Variants in LRRK2 observed in about 807,000 individuals in gnomAD.
LRRK2 encodes leucine-rich repeat serine/threonine-protein kinase 2.
A neutral mutation model predicts 302.6 loss-of-function variants in LRRK2; 203 were observed. That is an observed-to-expected ratio of 0.67 (90% CI 0.60 to 0.75). The LOEUF (loss-of-function observed/expected upper bound fraction) is 0.75. LRRK2 is among the 30% of genes least tolerant of loss of function. The probability of loss-of-function intolerance (pLI) is 0.00; values close to 1 mark genes in which losing one functional copy is unlikely to be tolerated. For synonymous variants in LRRK2, 1,066 were observed against 1,031.9 expected (o/e 1.03, Z -0.63); for missense variants, 2,830 against 2,951.0 (o/e 0.96, Z 0.95).
chr12:40,243,444 T>C, intron 6 of LRRK2, 106 bp from the exon 7 acceptor site: 2 of 1,264,120 alleles, frequency 1.6e-6, no homozygotes, highest in Non-Finnish European at 2.3e-6. Context: ...GGAAATGCAG[T>C]CATTATGCTG....
intron 46 of LRRK2, among the ~76,000 whole-genome samples, chr12:40,357,358 T>C (rs1946571006): frequency 1.7e-5 from 1 of 60,154 alleles, no homozygotes; most frequent in Non-Finnish European, 5.4e-5. Flanking sequence ...CTTAGGTTGA[T>C]TCCACTTTTT....
At chr12:40,345,861 T>G (rs1167414428) in intron 41 of LRRK2, among the ~76,000 whole-genome samples, 2 of 152,154 alleles carry the variant, frequency 1.3e-5, no homozygotes. Context: ...AATACCATTA[T>G]CACAGCTAAG....
chr12:40,347,053 C>T, intron 42 of LRRK2, 130 bp downstream of exon 42: 1 of 729,902 alleles, frequency 1.4e-6, no homozygotes, highest in Non-Finnish European at 2.1e-6. Flanking sequence ...CATAAATATT[C>T]TTAAATCTTG....
intron 28 of LRRK2, among the ~76,000 whole-genome samples, chr12:40,306,558 T>G (rs1944832951): frequency 6.6e-6 from 1 of 152,074 alleles, no homozygotes; most frequent in African/African-American, 2.4e-5. Flanking sequence ...AGCACATCGG[T>G]CTTATTACTT....
chr12:40,232,472 C>G, intron 3 of LRRK2, 89 bp downstream of exon 3: 1 of 935,662 alleles, frequency 1.1e-6, no homozygotes, highest in Non-Finnish European at 1.8e-6. Flanking sequence ...GTTTGCAATC[C>G]AAGGCTACTC....
chr12:40,363,011 T>C (rs1206257184), intron 47 of LRRK2, among the ~76,000 whole-genome samples: 6 of 152,054 alleles, frequency 3.9e-5, no homozygotes, highest in Admixed American at 3.9e-4. Context: ...CACTTAATTT[T>C]CTGAGCATTC....
intron 47 of LRRK2, among the ~76,000 whole-genome samples, chr12:40,359,907 G>A (rs1387131885): frequency 2.0e-5 from 3 of 152,078 alleles, no homozygotes; most frequent in Non-Finnish European, 2.9e-5. Flanking sequence ...TTATACAGAT[G>A]TCTACTCACA....
chr12:40,347,364 T>C (rs1256246056), intron 42 of LRRK2, among the ~76,000 whole-genome samples: 1 of 152,234 alleles, frequency 6.6e-6, no homozygotes, highest in African/African-American at 2.4e-5. Context: ...CAAAGCTCAT[T>C]TGGAATGGTT....
Position 40,251,315 on chromosome 12 carries a change from T to C in LRRK2, c.1042T>C (p.Phe348Leu). 1 of 1,613,798 alleles carries C rather than the reference T, an allele frequency of 6.2e-7. No homozygotes were observed. Among genetic ancestry groups the C allele is most frequent in the East Asian group, 2.2e-5 (1 of 44,848 alleles). Residue 348 changes from phenylalanine (F) to leucine (L), a missense_variant, in exon 9 of 51, where the codon TTT becomes CTT. By Grantham distance (22) the Phe-to-Leu change is conservative (BLOSUM62 0). Around this residue, in one of 3 missense-constraint regions of LRRK2, gnomAD observed 2,121 missense variants for 2,148.0 expected, o/e 0.99. Coordinates refer to ENST00000298910, the MANE Select transcript of LRRK2 (RefSeq NM_198578.4). Reference sequence around the variant, plus strand: ...TGATGAGGGGGAAGAAGATAAATTGTTTTGGCTGGAAGCCTGTTACAAAGC... The same window carrying C: ...TGATGAGGGGGAAGAAGATAAATTGCTTTGGCTGGAAGCCTGTTACAAAGC... ...NDDEGEEDKL[F>L]WLEACYKALT... is the part of the protein sequence containing the mutation.
At chr12:40,277,547 C>T (rs746307541) in intron 16 of LRRK2, among the ~76,000 whole-genome samples, 5 of 152,078 alleles carry the variant, frequency 3.3e-5, no homozygotes, top group Non-Finnish European at 7.4e-5. Flanking sequence ...CTGATCCAAC[C>T]GCTTTAATCC....
chr12:40,339,219 C>T (rs997679664), intron 40 of LRRK2, among the ~76,000 whole-genome samples: 4 of 152,072 alleles, frequency 2.6e-5, no homozygotes, highest in Admixed American at 6.6e-5. Context: ...CCAACAGTCA[C>T]GAATAAGCAA....
chr12:40,262,644 G>A lies in LRRK2; in HGVS notation c.1544-1145G>A, dbSNP rs186952083. ...GGAAATTATATCCATTTGAATAGTA[G>A]GACCTCAAGTGATAGAACAAAGACT... On this transcript the variant is annotated intron_variant, in intron 13 of 50. Transcript: ENST00000298910. 1.3e-3 allele frequency among the ~76,000 whole-genome samples: 196 copies of A among 152,272 alleles called. 1 individual carries two copies. In the South Asian group the frequency reaches 0.018, roughly 14 times the overall value.
chr12:40,237,241 A>G (rs1941508499), intron 4 of LRRK2, among the ~76,000 whole-genome samples: 1 of 152,184 alleles, frequency 6.6e-6, no homozygotes, highest in Admixed American at 6.5e-5. Flanking sequence ...TTTTCATACT[A>G]AGGATCATGA....
At chr12:40,275,014 A>G in intron 16 of LRRK2, 21 bp downstream of exon 16, 1 of 1,613,600 alleles carries the variant, frequency 6.2e-7, no homozygotes, top group Non-Finnish European at 8.5e-7. Context: ...TATCTTGGAA[A>G]GAATTTGGGA....
At chr12:40,326,700 C>G (rs1239611461) in intron 38 of LRRK2, among the ~76,000 whole-genome samples, 1 of 152,034 alleles carries the variant, frequency 6.6e-6, no homozygotes, top group Admixed American at 6.5e-5. Context: ...TCTCTTTTCC[C>G]TCTTCTGTTT....
chr12:40,259,408 T>C, intron 12 of LRRK2, 72 bp from the exon 13 acceptor site: 1 of 1,589,524 alleles, frequency 6.3e-7, no homozygotes, highest in Non-Finnish European at 8.6e-7. Flanking sequence ...CTCCTGTACT[T>C]ATTTCAATTT....
intron 27 of LRRK2, chr12:40,304,846 C>T (rs1042822562): frequency 1.3e-5 from 2 of 151,892 alleles, no homozygotes; most frequent in Admixed American, 1.3e-4. Context: ...CAAAAAATTA[C>T]TTTTGTGATA....
At chr12:40,251,673 C>A (rs991080591) in intron 10 of LRRK2, 129 bp downstream of exon 10, 2 of 794,248 alleles carry the variant, frequency 2.5e-6, no homozygotes, top group Non-Finnish European at 4.1e-6. Context: ...TTAGATGTTG[C>A]TGCAAAATAG....
chr12:40,280,489 G>A (rs1005471945), intron 18 of LRRK2, among the ~76,000 whole-genome samples: 6 of 151,946 alleles, frequency 3.9e-5, no homozygotes, highest in African/African-American at 1.5e-4. Context: ...GCTGGGTATG[G>A]TGGTACCTGC....
Sources: gnomAD v4.1 joint callset for allele counts (sites outside exome capture counted in the v4.1 genomes callset) on GRCh38, gnomAD v4.1.1 for gene constraint, gnomAD v4.1.1 regional missense constraint, MANE v1.5 for transcripts, NCBI Gene and HGNC (gene_info 2026-07-23, HGNC 2026-07-21) for gene names.